IL1RAPL2: variants seen among roughly 807,000 people sequenced by gnomAD.
IL1RAPL2 encodes the protein interleukin 1 receptor accessory protein like 2.
Under a neutral mutation model 44.1 loss-of-function variants are expected in IL1RAPL2, and 3 were observed. The ratio of observed to expected loss-of-function variants is 0.07; its 90% confidence interval spans 0.03 to 0.18. The LOEUF is 0.18. Among genes scored for constraint, IL1RAPL2 ranks in the 10% least tolerant of loss-of-function variants. IL1RAPL2 has a pLI of 1.00. For missense variants in IL1RAPL2, 391 were observed against 496.4 expected, an observed-to-expected ratio of 0.79 and a Z score of 2.02; for synonymous variants, 181 against 178.8, an observed-to-expected ratio of 1.01 and a Z score of -0.10.
chrX:105,759,574 G>A (rs748017060), intron 10 of IL1RAPL2, among the ~76,000 whole-genome samples: 2 of 112,161 alleles, frequency 1.8e-5, no homozygotes, highest in South Asian at 3.7e-4. Context: ...CTCATGTGTC[G>A]AATTATCTTT....
intron 2 of IL1RAPL2, among the ~76,000 whole-genome samples, chrX:104,814,192 A>C (rs779605109): frequency 9.0e-6 from 1 of 111,250 alleles, no homozygotes; most frequent in Non-Finnish European, 1.9e-5. Flanking sequence ...CACAAATAGT[A>C]TTTGTGCTGA....
chrX:104,633,463 T>C (rs1449559779), intron 1 of IL1RAPL2, among the ~76,000 whole-genome samples: 2 of 111,873 alleles, frequency 1.8e-5, no homozygotes, highest in African/African-American at 6.5e-5. Context: ...TGTGAATCCA[T>C]CAGGTCCTGG....
At chrX:104,940,298 C>A (rs772528781) in intron 2 of IL1RAPL2, among the ~76,000 whole-genome samples, 18 of 111,507 alleles carry the variant, frequency 1.6e-4, no homozygotes, top group African/African-American at 5.5e-4. Context: ...AAAATTGGTA[C>A]ATCATATAAT....
At chrX:104,915,570 T>A (rs1170911878) in intron 2 of IL1RAPL2, among the ~76,000 whole-genome samples, 1 of 110,724 alleles carries the variant, frequency 9.0e-6, no homozygotes, top group African/African-American at 3.3e-5. Context: ...CTCTTTAGTT[T>A]AATTAGATCC....
chrX:104,667,452 C>A (rs1023513707), intron 2 of IL1RAPL2, among the ~76,000 whole-genome samples: 1 of 111,118 alleles, frequency 9.0e-6, no homozygotes. Flanking sequence ...CTCCTATATG[C>A]CAGGCACTTT....
At position 104,733,351 on chromosome X, in the gene IL1RAPL2, C is replaced by T. The variant is rs769811069; in HGVS notation, c.82+74356C>T. On this transcript the variant is annotated intron_variant, in intron 2 of 10. Transcript: ENST00000372582. ...ACACACCTGTAATCCCAGCACTTTG[C>T]GAGGCCGAGGTGGGCGGATTGCCTG... 5.4e-5 allele frequency among the ~76,000 whole-genome samples: 6 copies of T among 110,662 alleles called. No individual in the cohort carries two copies. The East Asian group carries it at 8.5e-4, about 16-fold the overall frequency.
At chrX:104,947,876 C>T (rs1321316069) in intron 2 of IL1RAPL2, among the ~76,000 whole-genome samples, 1 of 111,913 alleles carries the variant, frequency 8.9e-6, no homozygotes, top group Non-Finnish European at 1.9e-5. Context: ...CTTCTTTTGG[C>T]TTAGGATTTA....
intron 2 of IL1RAPL2, among the ~76,000 whole-genome samples, chrX:105,034,494 G>C (rs2031582422): frequency 8.9e-6 from 1 of 112,500 alleles, no homozygotes; most frequent in Admixed American, 9.4e-5. Context: ...GTCCACTCCA[G>C]ACCCTGTTTG....
chrX:104,842,448 A>G (rs75308230), intron 2 of IL1RAPL2, among the ~76,000 whole-genome samples: 5,873 of 110,829 alleles, frequency 0.053, 411 homozygotes, highest in African/African-American at 0.19. Context: ...AGGTGTTGCA[A>G]TCATTTGGAG....
At chrX:105,437,760 A>G (rs1388651940) in intron 5 of IL1RAPL2, among the ~76,000 whole-genome samples, 1 of 111,722 alleles carries the variant, frequency 9.0e-6, no homozygotes, top group Non-Finnish European at 1.9e-5. Context: ...TTCTCTGAGG[A>G]GAACAACAGT....
chrX:104,792,700 A>G (rs1932831841), intron 2 of IL1RAPL2, among the ~76,000 whole-genome samples: 1 of 111,481 alleles, frequency 9.0e-6, no homozygotes, highest in East Asian at 2.8e-4. Flanking sequence ...GGTTCAGCAA[A>G]GAGTCCTGCA....
chrX:104,906,625 C>T (rs1373205500), intron 2 of IL1RAPL2, among the ~76,000 whole-genome samples: 5 of 111,868 alleles, frequency 4.5e-5, no homozygotes, highest in Admixed American at 9.5e-5. Flanking sequence ...TTTGCATATA[C>T]TGAACCAGCC....
chrX:104,654,622 G>C (rs756379034), intron 1 of IL1RAPL2, among the ~76,000 whole-genome samples: 2 of 111,427 alleles, frequency 1.8e-5, no homozygotes, highest in Non-Finnish European at 3.8e-5. Context: ...CTCCAGCTTT[G>C]TTCTTTTTGC....
chrX:105,322,511 T>C (rs1301239343), intron 5 of IL1RAPL2, among the ~76,000 whole-genome samples: 1 of 111,603 alleles, frequency 9.0e-6, no homozygotes, highest in Non-Finnish European at 1.9e-5. Flanking sequence ...TCCTTTGTGG[T>C]TATGAGGTAT....
At chrX:105,135,822 T>A (rs1341141303) in intron 2 of IL1RAPL2, among the ~76,000 whole-genome samples, 3 of 106,925 alleles carry the variant, frequency 2.8e-5, no homozygotes, top group Non-Finnish European at 5.6e-5. Context: ...CAAAGACAAC[T>A]GCCTTTGCAC....
At position 104,826,117 on chromosome X, in the gene IL1RAPL2, G is replaced by A. The variant is rs190974696; in HGVS notation, c.82+167122G>A. Among the ~76,000 whole-genome samples, 438 of 111,516 alleles carry A rather than the reference G, an allele frequency of 3.9e-3. 1 individual carries two copies. The highest frequency in any genetic ancestry group is 4.0e-3 in the Non-Finnish European group (214 of 52,953). ...TTTCTGAGGATACTATTTAGAATTT[G>A]TTTTTATGTTTTTTTATTAGTTATT... On this transcript the variant is annotated intron_variant, in intron 2 of 10. Coordinates refer to ENST00000372582, the MANE Select transcript of IL1RAPL2 (RefSeq NM_017416.2).
chrX:104,585,618 CCA>C (rs1156366599), intron 1 of IL1RAPL2, among the ~76,000 whole-genome samples: 2 of 100,646 alleles, frequency 2.0e-5, no homozygotes, highest in African/African-American at 7.3e-5. Flanking sequence ...TTGATAGGCC[CCA>C]GTGTGTGTTG....
At chrX:104,659,791 A>G (rs892741142) in intron 2 of IL1RAPL2, among the ~76,000 whole-genome samples, 18 of 111,987 alleles carry the variant, frequency 1.6e-4, no homozygotes, top group Non-Finnish European at 2.8e-4. Context: ...TTTATTTCTG[A>G]GAATTAAATG....
At chrX:105,275,984 AC>A (rs1054320377) in intron 5 of IL1RAPL2, among the ~76,000 whole-genome samples, 8 of 111,937 alleles carry the variant, frequency 7.1e-5, no homozygotes, top group African/African-American at 2.6e-4. Context: ...CTCTGAAATA[AC>A]CTTTTATTTA....
Sources: allele counts gnomAD v4.1 joint callset (sites outside exome capture counted in the v4.1 genomes callset), GRCh38; gene constraint gnomAD v4.1.1; transcripts MANE v1.5; gene names NCBI Gene and HGNC (gene_info 2026-07-23, HGNC 2026-07-21).